Variants in PRKG1 observed in about 807,000 individuals in gnomAD.
The protein encoded by PRKG1 is cGMP-dependent protein kinase 1.
A neutral mutation model predicts 88.1 loss-of-function variants in PRKG1; 35 were observed. That is an observed-to-expected ratio of 0.40 (90% CI 0.30 to 0.53). The LOEUF is 0.53. Ranked by LOEUF, PRKG1 falls within the 20% of genes least tolerant of loss-of-function variation. The pLI is 0.59. For missense variants in PRKG1, 540 were observed against 839.8 expected (o/e 0.64, Z 4.41); for synonymous variants, 303 against 292.5 (o/e 1.04, Z -0.37).
chr10:51,696,283 G>A (rs188365307), intron 3 of PRKG1: 1 of 152,256 alleles, frequency 6.6e-6, no homozygotes, highest in East Asian at 1.9e-4. Context: ...CTCCTGTCTG[G>A]TGGAGCAAAT....
At chr10:51,404,750 G>A (rs1240564154) in intron 2 of PRKG1, among the ~76,000 whole-genome samples, 1 of 152,150 alleles carries the variant, frequency 6.6e-6, no homozygotes, top group Admixed American at 6.5e-5. Context: ...TAAGAATCAT[G>A]GAGGATGAGG....
At chr10:51,981,430 CA>C (rs1335077798) in intron 5 of PRKG1, among the ~76,000 whole-genome samples, 1 of 151,840 alleles carries the variant, frequency 6.6e-6, no homozygotes, top group Admixed American at 6.6e-5. Context: ...ACTAAGAATA[CA>C]AAAAATTAGC....
chr10:52,251,101 C>T (rs951523282), intron 9 of PRKG1, among the ~76,000 whole-genome samples: 1 of 151,940 alleles, frequency 6.6e-6, no homozygotes, highest in African/African-American at 2.4e-5. Flanking sequence ...GTGATCTTGC[C>T]GCTTTTAATA....
chr10:51,191,467 G>T (rs1482005304), intron 2 of PRKG1, among the ~76,000 whole-genome samples: 1 of 151,766 alleles, frequency 6.6e-6, no homozygotes, highest in Non-Finnish European at 1.5e-5. Context: ...CTCATAGTAA[G>T]CATTCAAAAT....
rs1842391559 is a variant in PRKG1 at position 52,296,752 on chromosome 10, A to G, written c.*2852A>G. Reference sequence around the variant, plus strand: ...AGCAACATTAAAACAACTGGGATAGATTGAATACATTTGAAAAAATAATTT... The same window carrying G: ...AGCAACATTAAAACAACTGGGATAGGTTGAATACATTTGAAAAAATAATTT... On this transcript the variant is annotated 3_prime_UTR_variant, in exon 18 of 18. Transcript: ENST00000373980. 6.6e-6 allele frequency: 1 copy of G among 152,120 alleles called. No homozygotes were observed. Among genetic ancestry groups the G allele is most frequent in the South Asian group, 2.1e-4 (1 of 4,832 alleles). The allele number at this position is 152,120 out of a possible 1,614,324, so 9.4% of individuals were successfully genotyped here. A position where few individuals can be genotyped will look rare whatever the true frequency, so the allele number is the denominator to read the frequency against.
intron 12 of PRKG1, among the ~76,000 whole-genome samples, chr10:52,280,464 T>C (rs1328488151): frequency 6.6e-6 from 1 of 152,098 alleles, no homozygotes; most frequent in Non-Finnish European, 1.5e-5. Context: ...CCTACTTCTG[T>C]AAGTCTGTGC....
intron 3 of PRKG1, among the ~76,000 whole-genome samples, chr10:51,552,525 T>C (rs1222072281): frequency 6.6e-6 from 1 of 151,640 alleles, no homozygotes; most frequent in Non-Finnish European, 1.5e-5. Context: ...CAGATAACCA[T>C]AGTTACCAAT....
chr10:51,568,770 T>C (rs1791889924), intron 3 of PRKG1: 1 of 151,958 alleles, frequency 6.6e-6, no homozygotes, highest in African/African-American at 2.4e-5. Flanking sequence ...CTTTACATTT[T>C]ACACTCCATA....
At chr10:51,257,085 T>G (rs944207871) in intron 2 of PRKG1, among the ~76,000 whole-genome samples, 1 of 151,538 alleles carries the variant, frequency 6.6e-6, no homozygotes, top group Non-Finnish European at 1.5e-5. Context: ...GGGGCTCAGA[T>G]AGCTTAAAGC....
chr10:51,421,726 CCTTT>C (rs1838421648), intron 2 of PRKG1, among the ~76,000 whole-genome samples: 1 of 152,148 alleles, frequency 6.6e-6, no homozygotes, highest in African/African-American at 2.4e-5. Flanking sequence ...ATGTATTCTT[CCTTT>C]AAGTTCTTGA....
chr10:51,750,486 A>G (rs1837695095), intron 3 of PRKG1, among the ~76,000 whole-genome samples: 1 of 152,194 alleles, frequency 6.6e-6, no homozygotes, highest in South Asian at 2.1e-4. Context: ...AACATTTACT[A>G]ATGATTTAAG....
At chr10:51,841,993 T>C (rs1840288658) in intron 4 of PRKG1, among the ~76,000 whole-genome samples, 1 of 152,204 alleles carries the variant, frequency 6.6e-6, no homozygotes, top group Non-Finnish European at 1.5e-5. Flanking sequence ...GGCTTTCATA[T>C]TTTGCAATGA....
At chr10:51,516,213 G>A (rs1416058859) in intron 3 of PRKG1, among the ~76,000 whole-genome samples, 1 of 152,098 alleles carries the variant, frequency 6.6e-6, no homozygotes, top group Non-Finnish European at 1.5e-5. Flanking sequence ...GATGGGAAGG[G>A]AAGGTCGCTC....
At chr10:51,437,185 G>T (rs1255723639) in intron 2 of PRKG1, among the ~76,000 whole-genome samples, 1 of 151,896 alleles carries the variant, frequency 6.6e-6, no homozygotes, top group Non-Finnish European at 1.5e-5. Flanking sequence ...AGTGTGATGA[G>T]AACTTAGAAT....
chr10:51,743,190 G>A (rs1837479897), intron 3 of PRKG1, among the ~76,000 whole-genome samples: 1 of 152,058 alleles, frequency 6.6e-6, no homozygotes, highest in Non-Finnish European at 1.5e-5. Flanking sequence ...TATTTGAAAG[G>A]AATTTAAGGA....
Position 51,774,807 on chromosome 10 carries a change from A to G in PRKG1, c.593-29778A>G, listed in dbSNP as rs1564641644. 2.6e-5 allele frequency among the ~76,000 whole-genome samples: 4 copies of G among 152,280 alleles called. No individual in the cohort carries two copies. The South Asian group carries it at 6.2e-4, about 24-fold the overall frequency. On this transcript the variant is annotated intron_variant, in intron 3 of 17. Transcript: ENST00000373980. ...AGGTCAGTTTAAAGTAATACATAAG[A>G]CAGAGATGAGATGCATTTTTCATTA...
chr10:51,672,153 G>A (rs920527449), intron 3 of PRKG1, among the ~76,000 whole-genome samples: 9 of 151,722 alleles, frequency 5.9e-5, no homozygotes, highest in Non-Finnish European at 1.2e-4. Flanking sequence ...TATCAATTTA[G>A]AAGCTCTTAG....
intron 2 of PRKG1, among the ~76,000 whole-genome samples, chr10:51,431,536 T>C (rs1188199198): frequency 2.6e-5 from 4 of 152,140 alleles, no homozygotes; most frequent in Admixed American, 1.3e-4. Flanking sequence ...TTTAAGAAGA[T>C]AGTTGAAGGT....
intron 3 of PRKG1, among the ~76,000 whole-genome samples, chr10:51,575,994 A>G (rs1340709774): frequency 6.6e-6 from 1 of 152,010 alleles, no homozygotes; most frequent in Non-Finnish European, 1.5e-5. Context: ...AAAAATACAA[A>G]CATATTATAA....
Sources: gnomAD v4.1 joint callset for allele counts (sites outside exome capture counted in the v4.1 genomes callset) on GRCh38, gnomAD v4.1.1 for gene constraint, MANE v1.5 for transcripts, NCBI Gene and HGNC (gene_info 2026-07-23, HGNC 2026-07-21) for gene names.